The following COL6A3 variants were observed in gnomAD, a reference collection of about 807,000 sequenced individuals.
COL6A3 encodes collagen type VI alpha 3 chain, also known as collagen alpha-3(VI) chain.
Under a neutral mutation model 274.1 loss-of-function variants are expected in COL6A3, and 137 were observed. The observed-to-expected ratio is 0.50, with a 90% CI of 0.44 to 0.58. COL6A3 has a LOEUF of 0.58. Ranked by LOEUF, COL6A3 falls within the 20% of genes least tolerant of loss-of-function variation. COL6A3 has a pLI of 0.00. For missense variants in COL6A3, 3,950 were observed against 4,124.9 expected (o/e 0.96, Z 1.16); for synonymous variants, 1,650 against 1,650.6 (o/e 1.00, Z 0.01).
At chr2:237,366,620 C>T in intron 11 of COL6A3, 67 bp downstream of exon 11, 1 of 1,612,240 alleles carries the variant, frequency 6.2e-7, no homozygotes, top group Non-Finnish European at 8.5e-7. Flanking sequence ...GCACCAGGGA[C>T]CAGACAGCTA....
At chr2:237,401,654 A>T (rs570803578) in intron 1 of COL6A3, among the ~76,000 whole-genome samples, 4 of 152,028 alleles carry the variant, frequency 2.6e-5, no homozygotes, top group African/African-American at 9.6e-5. Context: ...CAGTTCTCCT[A>T]GGACTTTGCA....
chr2:237,396,436 A>C (rs898433309), intron 2 of COL6A3, among the ~76,000 whole-genome samples: 1 of 152,232 alleles, frequency 6.6e-6, no homozygotes, highest in Non-Finnish European at 1.5e-5. Flanking sequence ...AGGTGGTAAA[A>C]CATTTGAGAT....
intron 4 of COL6A3, among the ~76,000 whole-genome samples, chr2:237,384,715 G>T (rs980704434): frequency 1.3e-5 from 2 of 151,990 alleles, no homozygotes; most frequent in Non-Finnish European, 2.9e-5. Context: ...TGCCTCCAAG[G>T]CCTCCTCATC....
intron 38 of COL6A3, among the ~76,000 whole-genome samples, 181 bp from the exon 39 acceptor site, chr2:237,339,298 A>T (rs957403756): frequency 2.6e-4 from 40 of 152,250 alleles, no homozygotes; most frequent in African/African-American, 9.2e-4. Context: ...ATGGCATTGG[A>T]TCCATAAAAC....
intron 38 of COL6A3, among the ~76,000 whole-genome samples, chr2:237,339,365 T>C (rs1336257513): frequency 6.6e-6 from 1 of 152,238 alleles, no homozygotes; most frequent in African/African-American, 2.4e-5. Context: ...TAAAGATATA[T>C]TTATCCAACA....
intron 26 of COL6A3, among the ~76,000 whole-genome samples, chr2:237,351,524 T>C (rs1346156376): frequency 6.6e-6 from 1 of 152,190 alleles, no homozygotes; most frequent in African/African-American, 2.4e-5. Flanking sequence ...TTATTCTGCC[T>C]CCCTTTTCAC....
chr2:237,341,824 T>C (rs1175841754), intron 37 of COL6A3, among the ~76,000 whole-genome samples: 2 of 152,234 alleles, frequency 1.3e-5, no homozygotes, highest in Non-Finnish European at 2.9e-5. Context: ...AAGCAGAAAC[T>C]GCCTCCTCCT....
Position 237,340,521 on chromosome 2 carries a change from C to T in COL6A3, c.8395G>A (p.Asp2799Asn), listed in dbSNP as rs367744524. 3 of 1,614,024 alleles carry T rather than the reference C, an allele frequency of 1.9e-6. No individual in the cohort carries two copies. The African/African-American group carries it at 4.0e-5, about 22-fold the overall frequency. The stretch of plus-strand genomic sequence containing the variant: ...TCCTCGTTGAGCTCGGTGGACTTGT[C>T]CACTAATTTGAAGAAGACGTCGTTT... ...EPNDVFFKLV[D>N]KSTELNEEPL... is the part of the protein sequence containing the mutation. Residue 2799 changes from aspartate (D) to asparagine (N), a missense_variant, in exon 38 of 44, where the codon GAC becomes AAC. This residue lies in a region of COL6A3 where 1,284 missense variants were observed against 1,349.7 expected (regional missense o/e 0.95). Coordinates refer to ENST00000295550, the MANE Select transcript of COL6A3 (RefSeq NM_004369.4).
chr2:237,397,054 G>GATAGATAC (rs1025241161), intron 1 of COL6A3, among the ~76,000 whole-genome samples: 11 of 148,040 alleles, frequency 7.4e-5, no homozygotes, highest in African/African-American at 2.5e-4. Context: ...TAGATAGATA[G>GATAGATAC]ATAAAAATCT....
At position 237,350,179 on chromosome 2, in the gene COL6A3, C is replaced by T; in HGVS notation, c.6847G>A (p.Gly2283Arg). 6.2e-7 allele frequency: 1 copy of T among 1,614,142 alleles called. No homozygotes were observed. The change falls in exon 28 of 44, where the codon GGA (glycine) becomes AGA (arginine). Residue 2283 changes from glycine to arginine, a missense_variant. This residue lies in a region of COL6A3 where 1,284 missense variants were observed against 1,349.7 expected (regional missense o/e 0.95). Transcript: ENST00000295550. ...CCACGAGGGCCCCGGTTCCCGATTC[C>T]TCCTTTTGGTCCTGGCTCTCCGGGC... ...GEPGEPGPKG[G>R]IGNRGPRGET...
Position 237,344,738 on chromosome 2 carries a change from C to G in COL6A3, c.7280G>C (p.Ser2427Thr). The G allele has an allele frequency of 1.9e-6, 3 of 1,602,410 alleles. No individual in the cohort carries two copies. Among genetic ancestry groups the G allele is most frequent in the Non-Finnish European group, 2.6e-6 (3 of 1,174,444 alleles). Residue 2427 changes from serine to threonine, a missense_variant, in exon 36 of 44, where the codon AGT becomes ACT. Around this residue, in one of 5 missense-constraint regions of COL6A3, gnomAD observed 1,284 missense variants for 1,349.7 expected, o/e 0.95. Transcript: ENST00000295550. This position sits in a 1 kb window ranked among gnomAD's most constrained non-coding sequence, Gnocchi z 4.8. Reference protein sequence around the residue: ...TFGRMRDVVLSIVNDLTIAES... With the variant: ...TFGRMRDVVLTIVNDLTIAES... ...AGCAATGGTCAGGTCATTCACAATA[C>G]TCAAGACCACATCTCGCATCCGGCC...
Position 237,345,170 on chromosome 2 carries a change from A to G in COL6A3, c.7125+11T>C, listed in dbSNP as rs550111661. 9.3e-6 allele frequency: 15 copies of G among 1,614,224 alleles called. No homozygotes were observed. The highest frequency in any genetic ancestry group is 4.0e-5 in the African/African-American group (3 of 75,064). ...GAGGTTAATGAGTCATTCTGGACAC[A>G]TGCAACTTACATCGATGGAGTCGCC... On this transcript the variant is annotated intron_variant, in intron 33 of 43. Transcript: ENST00000295550.
At chr2:237,396,972 C>A in intron 1 of COL6A3, 125 bp from the exon 2 acceptor site, 1 of 682,706 alleles carries the variant, frequency 1.5e-6, no homozygotes, top group South Asian at 1.7e-5. Flanking sequence ...CTGATTCATT[C>A]TTTGAACCAG....
rs370397767 is a variant in COL6A3, at chr2:237,361,744, G to T, written c.6151C>A (p.Pro2051Thr). 1.6e-4 allele frequency: 264 copies of T among 1,613,982 alleles called. No homozygotes were observed. Among genetic ancestry groups the T allele is most frequent in the Admixed American group, 6.2e-4 (37 of 60,000 alleles). Residue 2051 changes from proline to threonine, a missense_variant, in exon 15 of 44, where the codon CCA (proline) becomes ACA (threonine). Transcript: ENST00000295550. The surrounding 1 kb of genome is among the most constrained non-coding windows in gnomAD (Gnocchi z 5.1). Reference protein sequence around the residue: ...GDRGPIGSIGPKGIPGEDGYR... With the variant: ...GDRGPIGSIGTKGIPGEDGYR... ...CAAGGGTAAAGCCACCGTACCTTTG[G>T]CCCGATGCTGCCGATGGGCCCGCGG...
chr2:237,333,680 G>C, intron 41 of COL6A3, 132 bp from the exon 42 acceptor site: 1 of 764,550 alleles, frequency 1.3e-6, no homozygotes, highest in Admixed American at 2.1e-5. Flanking sequence ...GAAAGACACA[G>C]ATCCAAGACA....
chr2:237,332,072 T>C (rs1345743223), intron 42 of COL6A3, among the ~76,000 whole-genome samples: 52 of 3,576 alleles, frequency 0.015, no homozygotes, highest in Non-Finnish European at 0.021. Context: ...TCTCTCTACA[T>C]ATATATATAT....
chr2:237,338,749 C>T (rs751677651), intron 39 of COL6A3, among the ~76,000 whole-genome samples: 18 of 152,200 alleles, frequency 1.2e-4, no homozygotes, highest in Non-Finnish European at 4.4e-5. Flanking sequence ...GCCTGGGCAA[C>T]ACAGCAAGAC....
chr2:237,369,683 C>T (rs1335643583), intron 9 of COL6A3, among the ~76,000 whole-genome samples: 2 of 152,212 alleles, frequency 1.3e-5, no homozygotes, highest in Admixed American at 6.5e-5. Flanking sequence ...AATCTCAGCC[C>T]ATGGGGGCAG....
chr2:237,378,383 C>T (rs2077906583), intron 6 of COL6A3, among the ~76,000 whole-genome samples: 1 of 152,178 alleles, frequency 6.6e-6, no homozygotes, highest in African/African-American at 2.4e-5. Context: ...AAAAAAAATC[C>T]TTCTGAATAA....
Sources: gnomAD v4.1 joint callset for allele counts (sites outside exome capture counted in the v4.1 genomes callset) on GRCh38, gnomAD v4.1.1 for gene constraint, gnomAD v4.1.1 regional missense constraint, Gnocchi (gnomAD v3.1) non-coding constraint, MANE v1.5 for transcripts, NCBI Gene and HGNC (gene_info 2026-07-23, HGNC 2026-07-21) for gene names.